The following GRIN2D variants were observed in gnomAD, a reference collection of about 807,000 sequenced individuals.
GRIN2D encodes glutamate receptor ionotropic, NMDA 2D.
GRIN2D carries 37 observed loss-of-function variants against 103.2 expected under a neutral mutation model. The observed-to-expected ratio is 0.36, with a 90% CI of 0.28 to 0.47. The LOEUF (loss-of-function observed/expected upper bound fraction) is 0.47. Ranked by LOEUF, GRIN2D falls within the 20% of genes least tolerant of loss-of-function variation. The pLI is 1.00. For missense variants in GRIN2D, 1,557 were observed against 1,910.6 expected, an observed-to-expected ratio of 0.81 and a Z score of 3.45; for synonymous variants, 845 against 885.6, an observed-to-expected ratio of 0.95 and a Z score of 0.81.
chr19:48,443,317 C>A lies in GRIN2D; in HGVS notation c.3391C>A (p.Pro1131Thr). 1 of 1,541,512 alleles carries A rather than the reference C, an allele frequency of 6.5e-7. No individual in the cohort carries two copies. The highest frequency in any genetic ancestry group is 1.4e-5 in the African/African-American group (1 of 70,204). The change falls in exon 14 of 14, where the codon CCC becomes ACC. Residue 1131 changes from proline (P) to threonine (T), a missense_variant. Physicochemically the swap from Pro to Thr is conservative, Grantham distance 38. Transcript: ENST00000263269. The surrounding 1 kb of genome is among the most constrained non-coding windows in gnomAD (Gnocchi z 8.9). ...CGGCGCGTCGCTGGGCGGCCTGGAG[C>A]CCTGGTGGTTCGCCGACTTCCCTTA... is the stretch of plus-strand genomic sequence containing the variant. ...LGGASLGGLE[P>T]WWFADFPYPY...
intron 3 of GRIN2D, among the ~76,000 whole-genome samples, chr19:48,399,174 G>C (rs1970680405): frequency 6.6e-6 from 1 of 152,182 alleles, no homozygotes; most frequent in African/African-American, 2.4e-5. Flanking sequence ...GGCGAGTCGA[G>C]GGAAGGGTTA....
intron 11 of GRIN2D, among the ~76,000 whole-genome samples, chr19:48,435,735 C>T (rs1600993057): frequency 6.6e-6 from 1 of 152,236 alleles, no homozygotes; most frequent in Non-Finnish European, 1.5e-5. Context: ...GCATGAGCCA[C>T]CACACCCAGC....
At chr19:48,441,467 A>T (rs1010856603) in intron 11 of GRIN2D, among the ~76,000 whole-genome samples, 1 of 152,008 alleles carries the variant, frequency 6.6e-6, no homozygotes, top group Non-Finnish European at 1.5e-5. Context: ...AGTCCCTGCT[A>T]CTGGGGAGGC....
rs776211221 is a variant in GRIN2D at position 48,405,261 on chromosome 19, C to T, written c.993C>T (p.Ala331=). Residue 331 remains alanine (A), a synonymous_variant, in exon 4 of 14, where the codon GCC becomes GCT. Transcript: ENST00000263269. The surrounding 1 kb of genome is among the most constrained non-coding windows in gnomAD (Gnocchi z 5.1). ...AAGVAVVARG[A]QALLRDYGFL... ...GCGTGGCCGTAGTGGCCAGAGGTGC[C>T]CAGGCCCTGCTGCGTGATTATGGTT... The T allele has an allele frequency of 8.1e-6, 13 of 1,599,362 alleles. No individual in the cohort carries two copies. The South Asian group carries it at 1.0e-4, about 12-fold the overall frequency.
In GRIN2D at chr19:48,442,236, G is replaced by A. The variant is rs1487688210; in HGVS notation, c.2527G>A (p.Asp843Asn). ...GGTGATGAGCAGCAAGCTGGACATC[G>A]ACAACATGGCGGGCGTCTTCTACAT... Reference protein sequence around the residue: ...IEVMSSKLDIDNMAGVFYMLL... With the variant: ...IEVMSSKLDINNMAGVFYMLL... Residue 843 changes from aspartate to asparagine, a missense_variant, in exon 13 of 14, where the codon GAC becomes AAC. Transcript: ENST00000263269. This position sits in a 1 kb window ranked among gnomAD's most constrained non-coding sequence, Gnocchi z 7.2. The A allele has an allele frequency of 6.2e-7, 1 of 1,614,134 alleles. No homozygotes were observed. Among genetic ancestry groups the A allele is most frequent in the Admixed American group, 1.7e-5 (1 of 60,026 alleles).
At position 48,443,428 on chromosome 19, in the gene GRIN2D, T is replaced by C; in HGVS notation, c.3502T>C (p.Tyr1168His). 7.2e-7 allele frequency: 1 copy of C among 1,392,550 alleles called. No individual in the cohort carries two copies. The highest frequency in any genetic ancestry group is 9.3e-7 in the Non-Finnish European group (1 of 1,078,122). The allele number at this position is 1,392,550 out of a possible 1,614,324, so 86.3% of individuals were successfully genotyped here. The change falls in exon 14 of 14, where the codon TAC becomes CAC. Residue 1168 changes from tyrosine to histidine, a missense_variant. Tyr to His is a moderately conservative substitution (Grantham distance 83, BLOSUM62 2). This residue lies in a region of GRIN2D where 632 missense variants were observed against 572.8 expected (regional missense o/e 1.10). Coordinates refer to ENST00000263269, the MANE Select transcript of GRIN2D (RefSeq NM_000836.4). This position sits in a 1 kb window ranked among gnomAD's most constrained non-coding sequence, Gnocchi z 8.9. Reference protein sequence around the residue: ...LGGWRAGSWDYLPPRSGPAAW... With the variant: ...LGGWRAGSWDHLPPRSGPAAW... ...GGGCTGGCGCGCCGGGAGCTGGGAC[T>C]ACCTGCCCCCGCGCAGCGGTCCGGC...
chr19:48,393,743 GCCGCCGCCGCCA>G lies in GRIN2D; in HGVS notation c.-428_-417del. On this transcript the variant is annotated 5_prime_UTR_variant, in exon 1 of 14. Coordinates refer to ENST00000263269, the MANE Select transcript of GRIN2D (RefSeq NM_000836.4). The surrounding 1 kb of genome is among the most constrained non-coding windows in gnomAD (Gnocchi z 5.6). ...CCCGCTCCAGCTCCTCCAAGCCGCGGCCGCCGCCGCCACCCTCGCCCGCAGCCTCCCGCAGCC... is the reference window on the plus strand; with the variant it reads ...CCCGCTCCAGCTCCTCCAAGCCGCGGCCCTCGCCCGCAGCCTCCCGCAGCC... Among the ~76,000 whole-genome samples, 1 of 152,124 alleles carries G rather than the reference GCCGCCGCCGCCA, an allele frequency of 6.6e-6. No homozygotes were observed. Among genetic ancestry groups the G allele is most frequent in the African/African-American group, 2.4e-5 (1 of 41,508 alleles).
Position 48,421,642 on chromosome 19 carries a change from A to C in GRIN2D, c.2092-143A>C. ...GGGTGGGAGTGGAAAAGCATTCCCT[A>C]ATGTAGTGAGCGAGTGTTGAGAAAT... On this transcript the variant is annotated intron_variant, in intron 10 of 13. Coordinates refer to ENST00000263269, the MANE Select transcript of GRIN2D (RefSeq NM_000836.4). The surrounding 1 kb of genome is among the most constrained non-coding windows in gnomAD (Gnocchi z 4.8). The C allele has an allele frequency of 1.5e-6, 1 of 671,028 alleles. No individual in the cohort carries two copies. The highest frequency in any genetic ancestry group is 2.6e-6 in the Non-Finnish European group (1 of 382,702). 41.6% of individuals were successfully genotyped at this position (671,028 alleles called of 1,614,324 possible).
rs1261712245 is a variant in GRIN2D at position 48,405,359 on chromosome 19, T to A, written c.1085+6T>A. ...CGCGGCGAGAGTCTGCATAGGTGAGTGGGGCTGGAATGGGAGGGGTGTGGG... is the reference window on the plus strand; with the variant it reads ...CGCGGCGAGAGTCTGCATAGGTGAGAGGGGCTGGAATGGGAGGGGTGTGGG... On this transcript the variant is annotated splice_donor_region_variant and intron_variant, in intron 4 of 13. Coordinates refer to ENST00000263269, the MANE Select transcript of GRIN2D (RefSeq NM_000836.4). This position sits in a 1 kb window ranked among gnomAD's most constrained non-coding sequence, Gnocchi z 5.1. 3 of 1,550,788 alleles carry A rather than the reference T, an allele frequency of 1.9e-6. No homozygotes were observed. The highest frequency in any genetic ancestry group is 2.6e-6 in the Non-Finnish European group (3 of 1,151,352).
chr19:48,432,223 T>C (rs1481100354), intron 11 of GRIN2D, among the ~76,000 whole-genome samples: 1 of 138,338 alleles, frequency 7.2e-6, no homozygotes, highest in Non-Finnish European at 1.6e-5. Context: ...TTTTTCTTTC[T>C]TTTTTTTTTT....
chr19:48,441,874 G>A lies in GRIN2D; in HGVS notation c.2358G>A (p.Thr786=), dbSNP rs368853794. ...VTIGSGKVFA[T]TGYGIALHKG... ...TCGGCTCCGGCAAGGTCTTCGCCAC[G>A]ACAGGCTATGGCATCGCCCTGCACA... The change falls in exon 12 of 14, where the codon ACG becomes ACA. Residue 786 remains threonine (T), a synonymous_variant. Transcript: ENST00000263269. 1 of 1,613,628 alleles carries A rather than the reference G, an allele frequency of 6.2e-7. No homozygotes were observed. The highest frequency in any genetic ancestry group is 1.7e-5 in the Admixed American group (1 of 60,024).
intron 4 of GRIN2D, among the ~76,000 whole-genome samples, chr19:48,410,505 G>A (rs572336485): frequency 2.8e-4 from 33 of 119,432 alleles, no homozygotes; most frequent in Middle Eastern, 6.1e-3. Flanking sequence ...TCCAGCCTGG[G>A]CAACAGAGTG....
chr19:48,404,217 G>A (rs1198090055), intron 3 of GRIN2D, among the ~76,000 whole-genome samples: 1 of 148,750 alleles, frequency 6.7e-6, no homozygotes, highest in Non-Finnish European at 1.5e-5. Context: ...TCCAGTCTGG[G>A]CAACAAGAGT....
In GRIN2D at chr19:48,442,536, A is replaced by G; in HGVS notation, c.2674-64A>G. 6.8e-7 allele frequency: 1 copy of G among 1,479,644 alleles called. No individual in the cohort carries two copies. The allele number at this position is 1,479,644 out of a possible 1,614,324, so 91.7% of individuals were successfully genotyped here. Reference sequence around the variant, plus strand: ...GTAAATGGAGAGGAGAGAGGGACTGAGGGGAGGCGGGCAGGCGTCCTGGGC... The same window carrying G: ...GTAAATGGAGAGGAGAGAGGGACTGGGGGGAGGCGGGCAGGCGTCCTGGGC... On this transcript the variant is annotated intron_variant, in intron 13 of 13. Transcript: ENST00000263269. This position sits in a 1 kb window ranked among gnomAD's most constrained non-coding sequence, Gnocchi z 7.2.
chr19:48,443,929 G>A lies in GRIN2D; in HGVS notation c.4003G>A (p.Glu1335Lys). Residue 1335 changes from glutamate (E) to lysine (K), a missense_variant, in exon 14 of 14, where the codon GAG becomes AAG. Physicochemically the swap from Glu to Lys is moderately conservative, Grantham distance 56 (BLOSUM62 1). Around this residue, in one of 7 missense-constraint regions of GRIN2D, gnomAD observed 88 missense variants for 84.3 expected, o/e 1.04. Coordinates refer to ENST00000263269, the MANE Select transcript of GRIN2D (RefSeq NM_000836.4). This position sits in a 1 kb window ranked among gnomAD's most constrained non-coding sequence, Gnocchi z 8.9. ...GGCGCACTTCTCTAGCCTCGAGTCC[G>A]AGGTATGACGCGGCCCCGGGGGCCC... ...GSAHFSSLES[E>K]V 3 of 1,419,892 alleles carry A rather than the reference G, an allele frequency of 2.1e-6. No homozygotes were observed. The highest frequency in any genetic ancestry group is 1.4e-5 in the South Asian group (1 of 71,988). 88.0% of individuals were successfully genotyped at this position (1,419,892 alleles called of 1,614,324 possible). A position where few individuals can be genotyped will look rare whatever the true frequency, so the allele number is the denominator to read the frequency against.
intron 3 of GRIN2D, among the ~76,000 whole-genome samples, chr19:48,402,151 A>G (rs1970721693): frequency 7.1e-6 from 1 of 139,966 alleles, no homozygotes; most frequent in South Asian, 2.4e-4. Flanking sequence ...AAAGAAAGAA[A>G]GAAAGAAAGA....
chr19:48,419,581 G>A lies in GRIN2D; in HGVS notation c.1862-4G>A. 1 of 1,606,868 alleles carries A rather than the reference G, an allele frequency of 6.2e-7. No individual in the cohort carries two copies. The highest frequency in any genetic ancestry group is 8.5e-7 in the Non-Finnish European group (1 of 1,174,604). On this transcript the variant is annotated splice_region_variant and splice_polypyrimidine_tract_variant and intron_variant, in intron 9 of 13. Transcript: ENST00000263269. ...GTCCATGTCCACGTCCTGGCCCCCT[G>A]CAGGCCCTGGCGGTTCAACCTTCAC...
chr19:48,415,439 T>A (rs1600979293), intron 7 of GRIN2D, among the ~76,000 whole-genome samples: 1 of 129,068 alleles, frequency 7.7e-6, no homozygotes, highest in East Asian at 2.2e-4. Context: ...AGGAAACACC[T>A]GATTGGGGCC....
intron 11 of GRIN2D, among the ~76,000 whole-genome samples, chr19:48,435,347 G>A (rs1443123925): frequency 8.2e-6 from 1 of 121,526 alleles, no homozygotes; most frequent in African/African-American, 3.2e-5. Flanking sequence ...TCCATTGCCC[G>A]GGCACCATCT....
Sources: gnomAD v4.1 joint callset for allele counts (sites outside exome capture counted in the v4.1 genomes callset) on GRCh38, gnomAD v4.1.1 for gene constraint, gnomAD v4.1.1 regional missense constraint, Gnocchi (gnomAD v3.1) non-coding constraint, MANE v1.5 for transcripts, NCBI Gene and HGNC (gene_info 2026-07-23, HGNC 2026-07-21) for gene names.